SLC29A4: variants seen among roughly 807,000 people sequenced by gnomAD.
SLC29A4 encodes the protein equilibrative nucleoside transporter 4.
Under a neutral mutation model 43.9 loss-of-function variants are expected in SLC29A4, and 36 were observed. The observed-to-expected ratio is 0.82, with a 90% CI of 0.63 to 1.08. The LOEUF (loss-of-function observed/expected upper bound fraction) is 1.08. Ranked by LOEUF, SLC29A4 falls within the 50% of genes least tolerant of loss-of-function variation. The pLI is 0.00. For synonymous variants in SLC29A4, 491 were observed against 338.0 expected (o/e 1.45, Z -4.97); for missense variants, 869 against 755.3 (o/e 1.15, Z -1.77).
In SLC29A4 at chr7:5,294,103, C is replaced by G. The variant is rs1408433180; in HGVS notation, c.545-757C>G. Among the ~76,000 whole-genome samples, 4 of 141,420 alleles carry G rather than the reference C, an allele frequency of 2.8e-5. No individual in the cohort carries two copies. In the East Asian group the frequency reaches 8.2e-4, roughly 29 times the overall value. The allele number at this position is 141,420 out of a possible 152,430, so 92.8% of individuals were successfully genotyped here. ...CCCAGACGACAGTGCGAGGCTCTAT[C>G]TGGAAAAAAAAAAAAATTGTAAAGA... On this transcript the variant is annotated intron_variant, in intron 5 of 10. Transcript: ENST00000396872.
At chr7:5,284,566 G>T (rs900549209) in intron 1 of SLC29A4, among the ~76,000 whole-genome samples, 2 of 152,270 alleles carry the variant, frequency 1.3e-5, no homozygotes, top group Non-Finnish European at 2.9e-5. Context: ...TATTAAGCCA[G>T]TGTGCATGTC....
chr7:5,294,578 G>A (rs6965716), intron 5 of SLC29A4, among the ~76,000 whole-genome samples: 77,908 of 151,822 alleles, frequency 0.51, 20,456 homozygotes, highest in South Asian at 0.75. Flanking sequence ...CCCATGGGAA[G>A]AAGAAAGGTT....
intron 7 of SLC29A4, among the ~76,000 whole-genome samples, chr7:5,298,104 G>T (rs1785844754): frequency 6.6e-6 from 1 of 152,202 alleles, no homozygotes; most frequent in South Asian, 2.1e-4. Flanking sequence ...GTTCCTGAGG[G>T]TCGGGAACCA....
Position 5,297,059 on chromosome 7 carries a change from T to A in SLC29A4, c.743T>A (p.Leu248Gln). 6.2e-6 allele frequency: 10 copies of A among 1,608,022 alleles called. No individual in the cohort carries two copies. Among genetic ancestry groups the A allele is most frequent in the Non-Finnish European group, 7.6e-6 (9 of 1,179,800 alleles). Reference sequence around the variant, plus strand: ...GCGCTGGAGCTGCTGTGTTTCCTGCTGCACCTGTTAGTGCGGCGCAGCCGC... The same window carrying A: ...GCGCTGGAGCTGCTGTGTTTCCTGCAGCACCTGTTAGTGCGGCGCAGCCGC... ...SVALELLCFL[L>Q]HLLVRRSRFV... Residue 248 changes from leucine to glutamine, a missense_variant, in exon 7 of 11, where the codon CTG (leucine) becomes CAG (glutamine). Leu to Gln is a moderately radical substitution (Grantham distance 113). Transcript: ENST00000396872.
Position 5,303,091 on chromosome 7 carries a change from A to T in SLC29A4, c.*152A>T. ...CTCCCTCAGGGTCCAGCCATGCCCC[A>T]CCCTGGACTGAAGTTCTGCAAAGTC... is the stretch of plus-strand genomic sequence containing the variant. On this transcript the variant is annotated 3_prime_UTR_variant, in exon 11 of 11. Transcript: ENST00000396872. 1 of 914,824 alleles carries T rather than the reference A, an allele frequency of 1.1e-6. No homozygotes were observed. Among genetic ancestry groups the T allele is most frequent in the South Asian group, 1.7e-5 (1 of 60,202 alleles). 56.7% of individuals were successfully genotyped at this position (914,824 alleles called of 1,614,324 possible).
At position 5,299,112 on chromosome 7, in the gene SLC29A4, G is replaced by C; in HGVS notation, c.1007G>C (p.Trp336Ser). Reference protein sequence around the residue: ...DVPRPRVQRSWPTFRALLLHR... With the variant: ...DVPRPRVQRSSPTFRALLLHR... ...CCGCGGCCAAGGGTCCAGCGCAGCT[G>C]GCCCACCTTCAGAGGTGAGTGCGGG... is the stretch of plus-strand genomic sequence containing the variant. Residue 336 changes from tryptophan to serine, a missense_variant, in exon 8 of 11, where the codon TGG (tryptophan) becomes TCG (serine). Trp to Ser is a radical substitution (Grantham distance 177). Coordinates refer to ENST00000396872, the MANE Select transcript of SLC29A4 (RefSeq NM_153247.4). 6.2e-7 allele frequency: 1 copy of C among 1,610,468 alleles called. No homozygotes were observed. Among genetic ancestry groups the C allele is most frequent in the South Asian group, 1.1e-5 (1 of 90,916 alleles).
At chr7:5,298,502 TGA>T (rs1427819777) in intron 7 of SLC29A4, among the ~76,000 whole-genome samples, 1 of 151,950 alleles carries the variant, frequency 6.6e-6, no homozygotes. Flanking sequence ...ATCAGAAGTG[TGA>T]GAGAGAGCCA....
chr7:5,292,690 CTTTT>C (rs1056329272), intron 5 of SLC29A4, among the ~76,000 whole-genome samples: 33 of 67,404 alleles, frequency 4.9e-4, no homozygotes, highest in East Asian at 2.3e-3. Flanking sequence ...CATTTTTTTC[CTTTT>C]TTTTTTTTTT....
intron 7 of SLC29A4, among the ~76,000 whole-genome samples, 172 bp from the exon 8 acceptor site, chr7:5,298,816 T>G (rs575100192): frequency 6.6e-6 from 1 of 151,984 alleles, no homozygotes; most frequent in African/African-American, 2.4e-5. Context: ...AAGAAAGAAA[T>G]GTGAAGTGAG....
intron 9 of SLC29A4, among the ~76,000 whole-genome samples, chr7:5,299,908 T>A (rs1404300184): frequency 6.6e-6 from 1 of 152,088 alleles, no homozygotes; most frequent in African/African-American, 2.4e-5. Context: ...AAAAATTAAA[T>A]GGACGTGGTG....
At position 5,302,796 on chromosome 7, in the gene SLC29A4, G is replaced by A; in HGVS notation, c.1451-1G>A. On this transcript the variant is annotated splice_acceptor_variant, in intron 10 of 10. Transcript: ENST00000396872. LOFTEE classifies it high-confidence loss of function. Reference sequence around the variant, plus strand: ...TCCCCTCAGGCTGGTGTTGTCCACAGGGAACACCATGACCGTGTCCTACAT... The same window carrying A: ...TCCCCTCAGGCTGGTGTTGTCCACAAGGAACACCATGACCGTGTCCTACAT... 3 of 1,555,220 alleles carry A rather than the reference G, an allele frequency of 1.9e-6. No individual in the cohort carries two copies. The highest frequency in any genetic ancestry group is 2.6e-6 in the Non-Finnish European group (3 of 1,149,534).
In SLC29A4 at chr7:5,287,433, GAAA is replaced by G. The variant is rs527760734; in HGVS notation, c.-8-370_-8-368del. ...ACCCTGTCTGAAAAAAAAAAAAAAA[GAAA>G]AAAAAGACATACCAGGTGACATTGC... On this transcript the variant is annotated intron_variant, in intron 1 of 10. Coordinates refer to ENST00000396872, the MANE Select transcript of SLC29A4 (RefSeq NM_153247.4). Among the ~76,000 whole-genome samples, 6 of 147,428 alleles carry G rather than the reference GAAA, an allele frequency of 4.1e-5. No individual in the cohort carries two copies. In the South Asian group the frequency reaches 6.4e-4, roughly 16 times the overall value.
intron 2 of SLC29A4, 75 bp from the exon 3 acceptor site, chr7:5,290,657 G>C: frequency 6.5e-7 from 1 of 1,538,750 alleles, no homozygotes; most frequent in Non-Finnish European, 8.8e-7. Context: ...GGCCGGGGTG[G>C]TGGACATCGC....
At chr7:5,295,486 C>T (rs1034731224) in intron 6 of SLC29A4, among the ~76,000 whole-genome samples, 6 of 152,190 alleles carry the variant, frequency 3.9e-5, no homozygotes, top group African/African-American at 7.2e-5. Context: ...CCTTACATGA[C>T]ATCCGGCCCT....
Position 5,297,169 on chromosome 7 carries a change from C to A in SLC29A4, c.853C>A (p.His285Asn), listed in dbSNP as rs753174604. 1.9e-6 allele frequency: 3 copies of A among 1,595,712 alleles called. No homozygotes were observed. In the African/African-American group the frequency reaches 4.0e-5, roughly 21 times the overall value. Residue 285 changes from histidine to asparagine, a missense_variant, in exon 7 of 11, where the codon CAC becomes AAC. By Grantham distance (68) the His-to-Asn change is moderately conservative. Transcript: ENST00000396872. ...LGRGYGYRVH[H>N]DVVAGDVHFE... ...CAGGGGCTATGGCTACCGCGTGCAC[C>A]ACGACGTTGTCGCCGGGGACGTCCA...
intron 5 of SLC29A4, among the ~76,000 whole-genome samples, chr7:5,294,176 A>G (rs942783422): frequency 4.6e-5 from 7 of 152,058 alleles, no homozygotes; most frequent in African/African-American, 1.7e-4. Flanking sequence ...CCTAGACTCA[A>G]GCAATCCTCC....
At chr7:5,293,757 G>C (rs763927377) in intron 5 of SLC29A4, among the ~76,000 whole-genome samples, 3 of 152,136 alleles carry the variant, frequency 2.0e-5, no homozygotes, top group Non-Finnish European at 2.9e-5. Flanking sequence ...GGAGAGGCCA[G>C]GCCCCCCACA....
At position 5,300,330 on chromosome 7, in the gene SLC29A4, T is replaced by G; in HGVS notation, c.1210-92T>G. On this transcript the variant is annotated intron_variant, in intron 9 of 10. Coordinates refer to ENST00000396872, the MANE Select transcript of SLC29A4 (RefSeq NM_153247.4). ...TGAGCTGGACAGGCCCAGGAGTGTT[T>G]AGGGATGGGGATGTGGCTAGAGGCT... 4.4e-6 allele frequency: 7 copies of G among 1,584,344 alleles called. No homozygotes were observed. In the South Asian group the frequency reaches 6.6e-5, roughly 15 times the overall value.
intron 1 of SLC29A4, among the ~76,000 whole-genome samples, chr7:5,284,038 C>G (rs913971139): frequency 8.3e-5 from 9 of 108,560 alleles, no homozygotes; most frequent in East Asian, 7.0e-4. Context: ...CACGACCCCC[C>G]CCCCCACCCC....
Sources: gnomAD v4.1 joint callset for allele counts (sites outside exome capture counted in the v4.1 genomes callset) on GRCh38, gnomAD v4.1.1 for gene constraint, MANE v1.5 for transcripts, NCBI Gene and HGNC (gene_info 2026-07-23, HGNC 2026-07-21) for gene names.